The following KCNMB4 variants were observed in gnomAD, a reference collection of about 807,000 sequenced individuals.
The protein encoded by KCNMB4 is calcium-activated potassium channel subunit beta-4.
KCNMB4 carries 3 observed loss-of-function variants against 20.7 expected under a neutral mutation model. That is an observed-to-expected ratio of 0.14 (90% CI 0.07 to 0.37). KCNMB4 has a LOEUF of 0.37. KCNMB4 is among the 10% of genes least tolerant of loss of function. The probability of loss-of-function intolerance (pLI) is 1.00; values close to 1 mark genes in which losing one functional copy is unlikely to be tolerated. For synonymous variants in KCNMB4, 110 were observed against 113.4 expected (o/e 0.97, Z 0.19); for missense variants, 168 against 265.9 (o/e 0.63, Z 2.56).
chr12:70,391,247 G>T (rs1255576189), intron 1 of KCNMB4, among the ~76,000 whole-genome samples: 2 of 152,076 alleles, frequency 1.3e-5, no homozygotes, highest in Admixed American at 6.5e-5. Context: ...CACTGTCAAA[G>T]ATCCCTGTGG....
chr12:70,405,843 G>T (rs1007619502), intron 2 of KCNMB4, among the ~76,000 whole-genome samples: 2 of 152,150 alleles, frequency 1.3e-5, no homozygotes, highest in Non-Finnish European at 2.9e-5. Context: ...CGGGAGGATT[G>T]CTTGGGGCCA....
chr12:70,401,636 C>CTTT (rs11382485), intron 2 of KCNMB4, among the ~76,000 whole-genome samples: 17 of 139,960 alleles, frequency 1.2e-4, no homozygotes, highest in East Asian at 2.1e-4. Context: ...AGCAATGACA[C>CTTT]TTTTTTTTTT....
chr12:70,367,402 C>T (rs890285173), intron 1 of KCNMB4, among the ~76,000 whole-genome samples: 2 of 152,174 alleles, frequency 1.3e-5, no homozygotes, highest in Admixed American at 1.3e-4. Flanking sequence ...AGAAAGTTAA[C>T]TTTTCCTCCA....
chr12:70,367,507 C>T (rs1263480283), intron 1 of KCNMB4, among the ~76,000 whole-genome samples: 2 of 152,142 alleles, frequency 1.3e-5, no homozygotes, highest in Non-Finnish European at 2.9e-5. Context: ...ATGGAATGAC[C>T]TTCCTTGAAA....
chr12:70,430,161 A>C (rs769769931), intron 2 of KCNMB4, among the ~76,000 whole-genome samples: 13 of 152,102 alleles, frequency 8.5e-5, no homozygotes, highest in Non-Finnish European at 1.8e-4. Context: ...CCCCTTGACC[A>C]ATGGACATTA....
At chr12:70,422,833 A>G (rs916508239) in intron 2 of KCNMB4, 1 of 1,246,218 alleles carries the variant, frequency 8.0e-7, no homozygotes, top group Admixed American at 3.0e-5. Context: ...ATGGATAAAA[A>G]ATAATTACCA....
chr12:70,407,210 T>C (rs1490179379), intron 2 of KCNMB4, among the ~76,000 whole-genome samples: 1 of 152,050 alleles, frequency 6.6e-6, no homozygotes, highest in Non-Finnish European at 1.5e-5. Context: ...ACTATTCCAG[T>C]TTATTATAAA....
chr12:70,428,521 G>C (rs1869272979), intron 2 of KCNMB4, among the ~76,000 whole-genome samples: 1 of 152,134 alleles, frequency 6.6e-6, no homozygotes, highest in Non-Finnish European at 1.5e-5. Flanking sequence ...ACTGTACCTG[G>C]GAAAAGAATC....
chr12:70,421,462 T>C (rs1450387213), intron 2 of KCNMB4, among the ~76,000 whole-genome samples: 70 of 68,044 alleles, frequency 1.0e-3, no homozygotes, highest in Middle Eastern at 0.014. Flanking sequence ...AGACCTTGTC[T>C]CAAAAAAGAA....
intron 1 of KCNMB4, among the ~76,000 whole-genome samples, chr12:70,399,423 G>T (rs1868397049): frequency 6.6e-6 from 1 of 152,190 alleles, no homozygotes; most frequent in Non-Finnish European, 1.5e-5. Context: ...AAGTACACAA[G>T]TTAAGTCCTG....
intron 1 of KCNMB4, among the ~76,000 whole-genome samples, chr12:70,381,872 G>A (rs1416162326): frequency 6.6e-6 from 1 of 152,114 alleles, no homozygotes; most frequent in Admixed American, 6.5e-5. Flanking sequence ...AAATTGGATG[G>A]TATGTGAATT....
chr12:70,386,546 G>T (rs547356111), intron 1 of KCNMB4, among the ~76,000 whole-genome samples: 1 of 149,504 alleles, frequency 6.7e-6, no homozygotes, highest in Non-Finnish European at 1.5e-5. Flanking sequence ...GAAGCTCCAT[G>T]TTTCACCATC....
At chr12:70,370,465 G>A (rs143604190) in intron 1 of KCNMB4, among the ~76,000 whole-genome samples, 1 of 151,562 alleles carries the variant, frequency 6.6e-6, no homozygotes, top group Non-Finnish European at 1.5e-5. Flanking sequence ...CCACCACCAC[G>A]CCTGGCTAAT....
chr12:70,409,312 A>C (rs2136134565), intron 2 of KCNMB4, among the ~76,000 whole-genome samples: 1 of 152,340 alleles, frequency 6.6e-6, no homozygotes, highest in East Asian at 1.9e-4. Flanking sequence ...ATCCTCAACT[A>C]GTCTGTCAGC....
intron 2 of KCNMB4, among the ~76,000 whole-genome samples, chr12:70,400,648 A>G (rs1868425117): frequency 6.6e-6 from 1 of 152,206 alleles, no homozygotes; most frequent in Non-Finnish European, 1.5e-5. Context: ...TTTAGACTGC[A>G]TCGAATCTTA....
chr12:70,394,726 G>A (rs961466702), intron 1 of KCNMB4, among the ~76,000 whole-genome samples: 3 of 152,066 alleles, frequency 2.0e-5, no homozygotes, highest in African/African-American at 7.2e-5. Flanking sequence ...GAGTACAGTG[G>A]GACGATCACG....
At chr12:70,419,835 AGT>A (rs940792478) in intron 2 of KCNMB4, among the ~76,000 whole-genome samples, 3 of 152,222 alleles carry the variant, frequency 2.0e-5, no homozygotes, top group Admixed American at 6.5e-5. Flanking sequence ...AAAATTGCAA[AGT>A]GTTATTAATG....
intron 1 of KCNMB4, among the ~76,000 whole-genome samples, chr12:70,386,419 T>C (rs1273488208): frequency 6.6e-6 from 1 of 152,124 alleles, no homozygotes; most frequent in Non-Finnish European, 1.5e-5. Context: ...AGACAATTTT[T>C]TTTTAACTAT....
chr12:70,405,597 A>C (rs2136132370), intron 2 of KCNMB4, among the ~76,000 whole-genome samples: 1 of 152,340 alleles, frequency 6.6e-6, no homozygotes, highest in South Asian at 2.1e-4. Flanking sequence ...AAAAATTAAA[A>C]GTAGAACTAC....
Sources: gnomAD v4.1 joint callset for allele counts (sites outside exome capture counted in the v4.1 genomes callset) on GRCh38, gnomAD v4.1.1 for gene constraint, MANE v1.5 for transcripts, NCBI Gene and HGNC (gene_info 2026-07-23, HGNC 2026-07-21) for gene names.